The following SRGAP1 variants were observed in gnomAD, a reference collection of about 807,000 sequenced individuals.
The protein encoded by SRGAP1 is SLIT-ROBO Rho GTPase activating protein 1.
Under a neutral mutation model 121.9 loss-of-function variants are expected in SRGAP1, and 43 were observed. That is an observed-to-expected ratio of 0.35 (90% CI 0.28 to 0.46). The LOEUF (loss-of-function observed/expected upper bound fraction) is 0.46. Ranked by LOEUF, SRGAP1 falls within the 20% of genes least tolerant of loss-of-function variation. The pLI, the probability that SRGAP1 is intolerant of heterozygous loss-of-function variation, is 1.00. For synonymous variants in SRGAP1, 447 were observed against 485.4 expected (o/e 0.92, Z 1.04); for missense variants, 1,102 against 1,350.9 (o/e 0.82, Z 2.89).
intron 1 of SRGAP1, among the ~76,000 whole-genome samples, chr12:63,979,457 G>T (rs889000235): frequency 6.6e-6 from 1 of 151,894 alleles, no homozygotes; most frequent in Non-Finnish European, 1.5e-5. Context: ...CCATCTATGG[G>T]TTGTCTTTTC....
chr12:64,081,859 A>G (rs1455422737), intron 10 of SRGAP1: 2 of 151,308 alleles, frequency 1.3e-5, no homozygotes, highest in African/African-American at 4.9e-5. Flanking sequence ...CATGAAGGGG[A>G]TAAGGATACT....
intron 1 of SRGAP1, among the ~76,000 whole-genome samples, chr12:63,943,003 T>A (rs1422700106): frequency 6.6e-6 from 1 of 152,250 alleles, no homozygotes; most frequent in East Asian, 1.9e-4. Flanking sequence ...TAAGTCTGGT[T>A]ACTACAAATT....
intron 6 of SRGAP1, among the ~76,000 whole-genome samples, chr12:64,060,782 G>T (rs1474948973): frequency 6.6e-6 from 1 of 152,126 alleles, no homozygotes; most frequent in Non-Finnish European, 1.5e-5. Flanking sequence ...TTGTACAAAA[G>T]TTGCTTTCTT....
At chr12:63,920,309 C>A (rs61933124) in intron 1 of SRGAP1, among the ~76,000 whole-genome samples, 4,708 of 152,194 alleles carry the variant, frequency 0.031, 114 homozygotes, top group Middle Eastern at 0.071. Flanking sequence ...ACGACCAAAC[C>A]ATGAATGACT....
At chr12:64,137,577 T>C (rs192583999) in intron 21 of SRGAP1, among the ~76,000 whole-genome samples, 51 of 152,320 alleles carry the variant, frequency 3.3e-4, no homozygotes, top group Non-Finnish European at 5.6e-4. Context: ...AATGGAGATT[T>C]TTCAAAAGAC....
intron 7 of SRGAP1, among the ~76,000 whole-genome samples, chr12:64,064,723 G>A (rs1330960864): frequency 6.6e-6 from 1 of 152,182 alleles, no homozygotes; most frequent in Non-Finnish European, 1.5e-5. Flanking sequence ...CGAGAGCTCA[G>A]ACCCTAACCA....
intron 4 of SRGAP1, among the ~76,000 whole-genome samples, chr12:64,021,503 G>A (rs966893317): frequency 2.0e-5 from 3 of 152,162 alleles, no homozygotes; most frequent in Non-Finnish European, 2.9e-5. Flanking sequence ...TTTGACAGAC[G>A]AGGAAACTAA....
chr12:63,973,072 C>T (rs12307017), intron 1 of SRGAP1, among the ~76,000 whole-genome samples: 2,660 of 152,138 alleles, frequency 0.017, 73 homozygotes, highest in African/African-American at 0.059. Flanking sequence ...TGCTTGAACC[C>T]GGGAGGCGGA....
intron 1 of SRGAP1, among the ~76,000 whole-genome samples, chr12:63,945,302 C>T (rs2032009081): frequency 1.3e-5 from 2 of 151,466 alleles, no homozygotes; most frequent in South Asian, 4.2e-4. Flanking sequence ...TTTTGGGATA[C>T]ATGTGCAGAA....
intron 1 of SRGAP1, among the ~76,000 whole-genome samples, chr12:63,936,491 T>C (rs1272694633): frequency 2.0e-5 from 3 of 152,148 alleles, no homozygotes; most frequent in Non-Finnish European, 4.4e-5. Flanking sequence ...CTGAGAATTT[T>C]TGTAGACACT....
At chr12:64,096,943 A>G (rs1347271098) in intron 14 of SRGAP1, among the ~76,000 whole-genome samples, 1 of 152,216 alleles carries the variant, frequency 6.6e-6, no homozygotes, top group East Asian at 1.9e-4. Flanking sequence ...GCTTAAAAAA[A>G]GTGGGGGTTG....
chr12:63,950,110 A>G (rs768593950), intron 1 of SRGAP1, among the ~76,000 whole-genome samples: 2 of 152,166 alleles, frequency 1.3e-5, no homozygotes, highest in Non-Finnish European at 2.9e-5. Flanking sequence ...TTGGCTCTCA[A>G]TCCTGTTTTG....
intron 21 of SRGAP1, among the ~76,000 whole-genome samples, chr12:64,136,181 G>T (rs114796912): frequency 0.03 from 4,574 of 152,162 alleles, 70 homozygotes; most frequent in South Asian, 0.096. Context: ...TTAATACTTC[G>T]CATCCTTCAA....
rs2037014600 is a variant in SRGAP1 at position 64,144,253 on chromosome 12, T to TGTTGTTGTTGTTGTTGTTGTTGTG, written c.*1582_*1583insTTGTTGTTGTTGTTGTTGTTGTGG. ...AGATTTTTGTTGTTGTTGTTGTTGT[T>TGTTGTTGTTGTTGTTGTTGTTGTG]GGGAGAAATGGATTTCCCACAACTA... On this transcript the variant is annotated 3_prime_UTR_variant, in exon 22 of 22. Coordinates refer to ENST00000355086, the MANE Select transcript of SRGAP1 (RefSeq NM_020762.4). 6.6e-6 allele frequency: 1 copy of TGTTGTTGTTGTTGTTGTTGTTGTG among 152,180 alleles called. No homozygotes were observed. The highest frequency in any genetic ancestry group is 1.5e-5 in the Non-Finnish European group (1 of 68,046). The allele number at this position is 152,180 out of a possible 1,614,324, so 9.4% of individuals were successfully genotyped here.
At chr12:64,033,246 T>C (rs913784056) in intron 4 of SRGAP1, among the ~76,000 whole-genome samples, 6 of 152,152 alleles carry the variant, frequency 3.9e-5, no homozygotes, top group African/African-American at 1.4e-4. Flanking sequence ...CCAGACAGTG[T>C]CTTTTGTTCA....
chr12:63,903,095 T>A (rs1325994690), intron 1 of SRGAP1, among the ~76,000 whole-genome samples: 1 of 152,214 alleles, frequency 6.6e-6, no homozygotes, highest in African/African-American at 2.4e-5. Flanking sequence ...TGTGTGTATG[T>A]GTGTTTGTGT....
chr12:63,976,815 C>T (rs1040723096), intron 1 of SRGAP1, among the ~76,000 whole-genome samples: 7 of 152,088 alleles, frequency 4.6e-5, no homozygotes, highest in Non-Finnish European at 7.4e-5. Flanking sequence ...GACACTGTAA[C>T]TCCAATCTGG....
chr12:63,850,477 G>A lies in SRGAP1; in HGVS notation c.67+5594G>A, dbSNP rs992241542. 5.9e-5 allele frequency among the ~76,000 whole-genome samples: 9 copies of A among 151,306 alleles called. No individual in the cohort carries two copies. The East Asian group carries it at 1.8e-3, about 29-fold the overall frequency. ...GACAGGATCTTGCTTTGTCACCCAG[G>A]CTGCAGTGCAGTGGGTGAACAAGGC... On this transcript the variant is annotated intron_variant, in intron 1 of 21. Coordinates refer to ENST00000355086, the MANE Select transcript of SRGAP1 (RefSeq NM_020762.4).
chr12:63,899,993 T>G (rs968170605), intron 1 of SRGAP1, among the ~76,000 whole-genome samples: 57 of 152,188 alleles, frequency 3.7e-4, no homozygotes, highest in African/African-American at 1.4e-3. Context: ...TCTAGAAGCT[T>G]GATAGAGCTC....
Sources: allele counts gnomAD v4.1 joint callset (sites outside exome capture counted in the v4.1 genomes callset), GRCh38; gene constraint gnomAD v4.1.1; transcripts MANE v1.5; gene names NCBI Gene and HGNC (gene_info 2026-07-23, HGNC 2026-07-21).